ATIC: variants seen among roughly 807,000 people sequenced by gnomAD.
ATIC encodes the protein bifunctional purine biosynthesis protein ATIC.
ATIC carries 64 observed loss-of-function variants against 72.5 expected under a neutral mutation model. The ratio of observed to expected loss-of-function variants is 0.88; its 90% CI spans 0.72 to 1.09. The LOEUF (loss-of-function observed/expected upper bound fraction) is 1.09, where lower values mean the gene tolerates loss of function less well. ATIC is among the 50% of genes least tolerant of loss of function. The probability of loss-of-function intolerance (pLI) is 0.00; values close to 1 mark genes in which losing one functional copy is unlikely to be tolerated. For missense variants in ATIC, 787 were observed against 732.4 expected, an observed-to-expected ratio of 1.07 and a Z score of -0.86; for synonymous variants, 281 against 267.1, an observed-to-expected ratio of 1.05 and a Z score of -0.51.
At chr2:215,365,629 T>C in the ATIC span, 14 of 1,613,996 alleles carry the variant, frequency 8.7e-6, no homozygotes, top group South Asian at 1.1e-5. Context: ...CATGGCACCA[T>C]CCTGTAGGGG....
At chr2:215,343,609 T>G (rs1341535432) in intron 12 of ATIC, among the ~76,000 whole-genome samples, 1 of 152,254 alleles carries the variant, frequency 6.6e-6, no homozygotes, top group Non-Finnish European at 1.5e-5. Flanking sequence ...GTGCTAGGAT[T>G]ACAGGCATGT....
Position 215,312,156 on chromosome 2 carries a change from A to C in ATIC, c.14A>C (p.Gln5Pro), listed in dbSNP as rs1226416766. 1 of 1,522,120 alleles carries C rather than the reference A, an allele frequency of 6.6e-7. No homozygotes were observed. The highest frequency in any genetic ancestry group is 2.5e-5 in the East Asian group (1 of 39,344). 94.3% of individuals were successfully genotyped at this position (1,522,120 alleles called of 1,614,324 possible). Residue 5 changes from glutamine to proline, a missense_variant, in exon 1 of 16, where the codon CAG becomes CCG. Coordinates refer to ENST00000236959, the MANE Select transcript of ATIC (RefSeq NM_004044.7). Reference protein sequence around the residue: MAPGQLALFSVSDKT... With the variant: MAPGPLALFSVSDKT... ...GTGCCTGCAGCCATGGCTCCCGGCC[A>C]GCTCGGTGAGGCCCTAGCGGAGCGG...
intron 13 of ATIC, 49 bp from the exon 14 acceptor site, chr2:215,346,710 A>G (rs1314345418): frequency 1.3e-6 from 2 of 1,594,304 alleles, no homozygotes; most frequent in Non-Finnish European, 1.7e-6. Flanking sequence ...CCTTTTGAGA[A>G]GAAAGTGTCT....
At chr2:215,366,263 T>G in the ATIC span, among the ~76,000 whole-genome samples, 1 of 152,150 alleles carries the variant, frequency 6.6e-6, no homozygotes, top group Non-Finnish European at 1.5e-5. Context: ...TTCTCACTAT[T>G]AAGATTTAAA....
chr2:215,329,430 G>A (rs1381559163), intron 7 of ATIC, among the ~76,000 whole-genome samples: 2 of 152,158 alleles, frequency 1.3e-5, no homozygotes, highest in African/African-American at 2.4e-5. Context: ...TTTCTTGTGC[G>A]AGATTCCCAG....
At position 215,312,574 on chromosome 2, in the gene ATIC, C is replaced by A; in HGVS notation, c.96C>A (p.Val32=). The A allele has an allele frequency of 6.2e-7, 1 of 1,614,192 alleles. No homozygotes were observed. Among genetic ancestry groups the A allele is most frequent in the Admixed American group, 1.7e-5 (1 of 60,022 alleles). Residue 32 remains valine (V), a synonymous_variant, in exon 2 of 16, where the codon GTC becomes GTA. Coordinates refer to ENST00000236959, the MANE Select transcript of ATIC (RefSeq NM_004044.7). Reference sequence around the variant, plus strand: ...TGACCGCTCTTGGTTTGAATCTGGTCGCTTCCGGAGGGACTGCAAAAGCTC... The same window carrying A: ...TGACCGCTCTTGGTTTGAATCTGGTAGCTTCCGGAGGGACTGCAAAAGCTC... ...RNLTALGLNL[V]ASGGTAKALR... is the part of the protein sequence containing the mutation.
In ATIC at chr2:215,349,538, T is replaced by C; in HGVS notation, c.1662T>C (p.Ser554=). The C allele has an allele frequency of 6.2e-7, 1 of 1,613,964 alleles. No individual in the cohort carries two copies. The highest frequency in any genetic ancestry group is 8.5e-7 in the Non-Finnish European group (1 of 1,179,992). ...FRDNVDRAKR[S]GVAYIAAPSG... Reference sequence around the variant, plus strand: ...GAAAATCAATATACTTCCCCCAGAGTGGTGTGGCGTACATTGCGGCTCCCT... The same window carrying C: ...GAAAATCAATATACTTCCCCCAGAGCGGTGTGGCGTACATTGCGGCTCCCT... Residue 554 remains serine (S), a splice_region_variant and synonymous_variant, in exon 16 of 16, where the codon AGT becomes AGC. Transcript: ENST00000236959.
chr2:215,333,321 T>C (rs2052916169), intron 8 of ATIC, 29 bp from the exon 9 acceptor site: 1 of 1,595,408 alleles, frequency 6.3e-7, no homozygotes, highest in Non-Finnish European at 8.6e-7. Flanking sequence ...TAGCTTTCTT[T>C]GTTTATGATT....
chr2:215,322,477 C>T (rs1360898575), intron 4 of ATIC, among the ~76,000 whole-genome samples: 1 of 151,480 alleles, frequency 6.6e-6, no homozygotes, highest in Non-Finnish European at 1.5e-5. Context: ...TTACAGGTGC[C>T]CGCCACCACG....
chr2:215,329,915 C>T (rs189960548), intron 7 of ATIC, among the ~76,000 whole-genome samples: 2,278 of 152,082 alleles, frequency 0.015, 54 homozygotes, highest in African/African-American at 0.051. Flanking sequence ...GCATGTACCA[C>T]CAGGCCCAGC....
chr2:215,342,343 CT>C (rs10714012), intron 12 of ATIC, among the ~76,000 whole-genome samples: 93,765 of 151,946 alleles, frequency 0.62, 29,403 homozygotes, highest in African/African-American at 0.67. Flanking sequence ...ATCCTAATAG[CT>C]TTTTTTAAAT....
rs992937310 is a variant in ATIC, at chr2:215,346,625, T to A, written c.1321-134T>A. 6.0e-6 allele frequency: 6 copies of A among 1,000,108 alleles called. No individual in the cohort carries two copies. The African/African-American group carries it at 9.6e-5, about 16-fold the overall frequency. 62.0% of individuals were successfully genotyped at this position (1,000,108 alleles called of 1,614,324 possible). On this transcript the variant is annotated intron_variant, in intron 13 of 15. Transcript: ENST00000236959. ...CTTTTAATGACTTAAAAATTATTTA[T>A]ATTTCTCTTATTTTGGCCTGATATG...
chr2:215,328,622 G>A (rs2052855768), intron 7 of ATIC, among the ~76,000 whole-genome samples: 1 of 151,960 alleles, frequency 6.6e-6, no homozygotes, highest in Non-Finnish European at 1.5e-5. Flanking sequence ...GACCAAAGTA[G>A]CAGCCCATCA....
At chr2:215,335,617 G>A (rs914663797) in intron 10 of ATIC, among the ~76,000 whole-genome samples, 1 of 152,128 alleles carries the variant, frequency 6.6e-6, no homozygotes. Context: ...TGTATCTTTC[G>A]TCATGTCAAA....
At position 215,349,083 on chromosome 2, in the gene ATIC, T is replaced by C. The variant is rs767313141; in HGVS notation, c.1504-11T>C. The C allele has an allele frequency of 2.7e-5, 44 of 1,613,882 alleles. No individual in the cohort carries two copies. Among genetic ancestry groups the C allele is most frequent in the Non-Finnish European group, 8.5e-7 (1 of 1,179,980 alleles). On this transcript the variant is annotated splice_polypyrimidine_tract_variant and intron_variant, in intron 14 of 15. Coordinates refer to ENST00000236959, the MANE Select transcript of ATIC (RefSeq NM_004044.7). ...CAGACCAAGCTTCTTCCTTTCTCTC[T>C]CCCCGCATAGGATGAAGATTTGATA...
At chr2:215,328,208 C>G (rs1158655162) in intron 7 of ATIC, among the ~76,000 whole-genome samples, 1 of 152,082 alleles carries the variant, frequency 6.6e-6, no homozygotes, top group Non-Finnish European at 1.5e-5. Context: ...CTAACACTTC[C>G]CAAATCCCCA....
At chr2:215,365,099 A>T in the ATIC span, 1 of 744,354 alleles carries the variant, frequency 1.3e-6, no homozygotes, top group Non-Finnish European at 2.4e-6. Context: ...CGCAAACACC[A>T]CATATTTATG....
intron 4 of ATIC, among the ~76,000 whole-genome samples, chr2:215,324,244 C>T (rs1343476881): frequency 6.6e-6 from 1 of 152,202 alleles, no homozygotes; most frequent in Non-Finnish European, 1.5e-5. Context: ...AGTCTTTCAC[C>T]ATCAAGTATG....
chr2:215,349,717 T>C lies in ATIC; in HGVS notation c.*62T>C, dbSNP rs1010701806. 3 of 1,612,846 alleles carry C rather than the reference T, an allele frequency of 1.9e-6. No individual in the cohort carries two copies. The highest frequency in any genetic ancestry group is 2.5e-6 in the Non-Finnish European group (3 of 1,178,986). The stretch of plus-strand genomic sequence containing the variant: ...AGGTGAACAGTCACGCCTGAAACTT[T>C]GAGGATAACTTTTTAAAAAAATAAA... On this transcript the variant is annotated 3_prime_UTR_variant, in exon 16 of 16. Coordinates refer to ENST00000236959, the MANE Select transcript of ATIC (RefSeq NM_004044.7).
Sources: gnomAD v4.1 joint callset for allele counts (sites outside exome capture counted in the v4.1 genomes callset) on GRCh38, gnomAD v4.1.1 for gene constraint, MANE v1.5 for transcripts, NCBI Gene and HGNC (gene_info 2026-07-23, HGNC 2026-07-21) for gene names.